Variants in GPT observed in about 807,000 individuals in gnomAD.
GPT encodes glutamic--pyruvic transaminase.
In GPT, 60 loss-of-function variants were observed where a neutral mutation model predicts 51.4. That is an observed-to-expected ratio of 1.17 (90% CI 0.95 to 1.45). GPT has a LOEUF of 1.45. Ranked by LOEUF, GPT falls within the 40% of genes most tolerant of loss-of-function variation. GPT has a pLI of 0.00. For missense variants in GPT, 853 were observed against 704.0 expected, an observed-to-expected ratio of 1.21 and a Z score of -2.40; for synonymous variants, 397 against 303.1, an observed-to-expected ratio of 1.31 and a Z score of -3.22.
upstream of GPT, chr8:144,503,935 G>A: frequency 2.9e-6 from 1 of 344,770 alleles, no homozygotes; most frequent in Non-Finnish European, 5.6e-6. Flanking sequence ...GTCCCTCAGA[G>A]CTGTCCGGAC....
chr8:144,505,163 G>C, intron 4 of GPT, 32 bp downstream of exon 4: 2 of 1,612,854 alleles, frequency 1.2e-6, no homozygotes, highest in Non-Finnish European at 1.7e-6. Context: ...AGACATTCCT[G>C]ACACTGCAGA....
Position 144,506,013 on chromosome 8 carries a change from T to G in GPT, c.838T>G (p.Tyr280Asp). 1.2e-6 allele frequency: 2 copies of G among 1,612,396 alleles called. No individual in the cohort carries two copies. The highest frequency in any genetic ancestry group is 1.7e-6 in the Non-Finnish European group (2 of 1,179,688). The change falls in exon 7 of 11, where the codon TAC (tyrosine) becomes GAC (aspartate). Residue 280 changes from tyrosine (Y) to aspartate (D), a missense_variant. Physicochemically the swap from Tyr to Asp is radical, Grantham distance 160 (BLOSUM62 -3). Coordinates refer to ENST00000394955, the MANE Select transcript of GPT (RefSeq NM_005309.3). This position sits in a 1 kb window ranked among gnomAD's most constrained non-coding sequence, Gnocchi z 7.0. ...CTTCCAGGTGTACCAGGACAACGTG[T>G]ACGCCGCGGGTTCGCAGTTCCACTC... ...LADEVYQDNV[Y>D]AAGSQFHSFK...
At chr8:144,504,092 G>A (rs1357872623), upstream of GPT, 1 of 617,736 alleles carries the variant, frequency 1.6e-6, no homozygotes, top group Non-Finnish European at 2.9e-6. Flanking sequence ...AGACGGGTGG[G>A]GCGGGGCCCA....
At position 144,505,395 on chromosome 8, in the gene GPT, G is replaced by A. The variant is rs1432227356; in HGVS notation, c.645G>A (p.Ala215=). The change falls in exon 5 of 11, where the codon GCG becomes GCA. Residue 215 remains alanine, a synonymous_variant. Transcript: ENST00000394955. ...ACCTGGACGAGGAGCGTGCCTGGGC[G>A]CTGGACGTGGCCGAGCTTCACCGTG... ...DYYLDEERAW[A]LDVAELHRAL... The A allele has an allele frequency of 1.3e-6, 2 of 1,594,826 alleles. No individual in the cohort carries two copies. The highest frequency in any genetic ancestry group is 1.7e-5 in the Admixed American group (1 of 57,572).
chr8:144,503,135 C>G (rs1198804866), upstream of GPT: 1 of 152,318 alleles, frequency 6.6e-6, no homozygotes, highest in East Asian at 1.9e-4. Context: ...GGTGAGAGGC[C>G]TGGGGGCCGG....
Position 144,506,626 on chromosome 8 carries a change from G to A in GPT, c.1257G>A (p.Gln419=). 6.4e-7 allele frequency: 1 copy of A among 1,559,678 alleles called. No individual in the cohort carries two copies. Among genetic ancestry groups the A allele is most frequent in the African/African-American group, 1.4e-5 (1 of 74,012 alleles). Residue 419 remains glutamine (Q), a synonymous_variant, in exon 9 of 11, where the codon CAG becomes CAA. Coordinates refer to ENST00000394955, the MANE Select transcript of GPT (RefSeq NM_005309.3). This position sits in a 1 kb window ranked among gnomAD's most constrained non-coding sequence, Gnocchi z 7.0. ...QGAMYSFPRV[Q]LPPRAVERAQ... is the part of the protein sequence containing the mutation. Reference sequence around the variant, plus strand: ...CCATGTACTCCTTCCCGCGCGTGCAGCTGCCCCCGCGGGCGGTGGAGCGCG... The same window carrying A: ...CCATGTACTCCTTCCCGCGCGTGCAACTGCCCCCGCGGGCGGTGGAGCGCG...
At position 144,507,114 on chromosome 8, in the gene GPT, G is replaced by GCC; in HGVS notation, c.*114_*115insCC. Reference sequence around the variant, plus strand: ...TGCCTGGCGGGGTGGGGTGGGGGGGGTGCTGGGCCCCTGCCTCTCTGCAGG... The same window carrying GCC: ...TGCCTGGCGGGGTGGGGTGGGGGGGGCCTGCTGGGCCCCTGCCTCTCTGCAGG... On this transcript the variant is annotated 3_prime_UTR_variant, in exon 11 of 11. Transcript: ENST00000394955. The GCC allele has an allele frequency of 2.0e-6, 1 of 498,332 alleles. No homozygotes were observed. Among genetic ancestry groups the GCC allele is most frequent in the Non-Finnish European group, 3.9e-6 (1 of 254,518 alleles). 30.9% of individuals were successfully genotyped at this position (498,332 alleles called of 1,614,324 possible).
At position 144,505,308 on chromosome 8, in the gene GPT, C is replaced by G. The variant is rs1200217718; in HGVS notation, c.558C>G (p.Ile186Met). The G allele has an allele frequency of 1.0e-5, 16 of 1,570,542 alleles. No homozygotes were observed. Among genetic ancestry groups the G allele is most frequent in the Non-Finnish European group, 1.2e-5 (14 of 1,158,304 alleles). ...CACGCACGGGTGTGCTCATCCCCAT[C>G]CCCCAGTACCCACTCTACTCGGCCA... ...GHTRTGVLIPIPQYPLYSATL... is the reference protein window; with the variant it reads ...GHTRTGVLIPMPQYPLYSATL... The change falls in exon 5 of 11, where the codon ATC becomes ATG. Residue 186 changes from isoleucine (I) to methionine (M), a missense_variant. Transcript: ENST00000394955.
Position 144,504,452 on chromosome 8 carries a change from C to T in GPT, c.148C>T (p.Gln50Ter). The T allele has an allele frequency of 2.5e-6, 4 of 1,609,996 alleles. No homozygotes were observed. Among genetic ancestry groups the T allele is most frequent in the Non-Finnish European group, 2.5e-6 (3 of 1,179,726 alleles). The change falls in exon 1 of 11, where the codon CAG (glutamine) becomes TAG (stop). Residue 50 changes from glutamine to a stop codon, truncating the protein, a stop_gained. Coordinates refer to ENST00000394955, the MANE Select transcript of GPT (RefSeq NM_005309.3). LOFTEE classifies it high-confidence loss of function. ...AGTGCAGCGAGCCTTGGAGCTGGAG[C>T]AGGAGCTGCGCCAGGTATGGCCCAG... The part of the protein sequence containing the change: ...PIVQRALELE[Q>*]ELRQGVKKPF...
chr8:144,504,642 C>G lies in GPT; in HGVS notation c.201C>G (p.Asn67Lys). The G allele has an allele frequency of 6.2e-7, 1 of 1,613,320 alleles. No homozygotes were observed. The highest frequency in any genetic ancestry group is 8.5e-7 in the Non-Finnish European group (1 of 1,180,016). Reference sequence around the variant, plus strand: ...CTTTCACCGAGGTCATCCGTGCCAACATCGGGGACGCACAGGCTATGGGGC... The same window carrying G: ...CTTTCACCGAGGTCATCCGTGCCAAGATCGGGGACGCACAGGCTATGGGGC... ...KKPFTEVIRA[N>K]IGDAQAMGQR... is the part of the protein sequence containing the mutation. The change falls in exon 2 of 11, where the codon AAC becomes AAG. Residue 67 changes from asparagine (N) to lysine (K), a missense_variant. Coordinates refer to ENST00000394955, the MANE Select transcript of GPT (RefSeq NM_005309.3).
chr8:144,505,192 G>A (rs1826730494), intron 4 of GPT, 54 bp from the exon 5 acceptor site: 1 of 1,612,438 alleles, frequency 6.2e-7, no homozygotes, highest in Admixed American at 1.7e-5. Context: ...CCAGGGTGGG[G>A]GACAGGTGCG....
rs1267529960 is a variant in GPT at position 144,505,394 on chromosome 8, C to A, written c.644C>A (p.Ala215Glu). The part of the protein sequence containing the change: ...DYYLDEERAW[A>E]LDVAELHRAL... ...TACCTGGACGAGGAGCGTGCCTGGGCGCTGGACGTGGCCGAGCTTCACCGT... is the reference window on the plus strand; with the variant it reads ...TACCTGGACGAGGAGCGTGCCTGGGAGCTGGACGTGGCCGAGCTTCACCGT... Residue 215 changes from alanine (A) to glutamate (E), a missense_variant, in exon 5 of 11, where the codon GCG (alanine) becomes GAG (glutamate). By Grantham distance (107) the Ala-to-Glu change is moderately radical. Transcript: ENST00000394955. 6.3e-7 allele frequency: 1 copy of A among 1,595,056 alleles called. No individual in the cohort carries two copies. Among genetic ancestry groups the A allele is most frequent in the Admixed American group, 1.7e-5 (1 of 57,554 alleles).
rs776165677 is a variant in GPT at position 144,505,038 on chromosome 8, G to A, written c.402G>A (p.Glu134=). 11 of 1,613,178 alleles carry A rather than the reference G, an allele frequency of 6.8e-6. No individual in the cohort carries two copies. The Admixed American group carries it at 1.5e-4, about 22-fold the overall frequency. ...GCTCCGGCATCCAGCTGATCCGGGAGGACGTGGCGCGGTACATTGAGAGGC... is the reference window on the plus strand; with the variant it reads ...GCTCCGGCATCCAGCTGATCCGGGAAGACGTGGCGCGGTACATTGAGAGGC... ...SVSSGIQLIR[E]DVARYIERRD... Residue 134 remains glutamate, a synonymous_variant, in exon 4 of 11, where the codon GAG becomes GAA. Coordinates refer to ENST00000394955, the MANE Select transcript of GPT (RefSeq NM_005309.3).
In GPT at chr8:144,505,215, G is replaced by A. The variant is rs745932486; in HGVS notation, c.496-31G>A. The A allele has an allele frequency of 9.3e-6, 15 of 1,611,130 alleles. No homozygotes were observed. In the East Asian group the frequency reaches 1.3e-4, roughly 14 times the overall value. ...GGGGACAGGTGCGGCCCCAGGCCTC[G>A]CCAACCCTGCCTTCCCCTTCCTTTC... On this transcript the variant is annotated intron_variant, in intron 4 of 10. Transcript: ENST00000394955.
In GPT at chr8:144,506,682, G is replaced by A. The variant is rs1380090177; in HGVS notation, c.1287+26G>A. 1.3e-6 allele frequency: 2 copies of A among 1,579,108 alleles called. No homozygotes were observed. The highest frequency in any genetic ancestry group is 2.7e-5 in the African/African-American group (2 of 74,420). ...GTCAGGCGGGGGCGGGGCCTGCGGG[G>A]TGGGCAGGGGGGGCCGGGCATCCCT... On this transcript the variant is annotated intron_variant, in intron 9 of 10. Transcript: ENST00000394955. This position sits in a 1 kb window ranked among gnomAD's most constrained non-coding sequence, Gnocchi z 7.0.
rs1432034007 is a variant in GPT, at chr8:144,506,170, G to A, written c.956+39G>A. 1.1e-5 allele frequency: 18 copies of A among 1,604,646 alleles called. No homozygotes were observed. Among genetic ancestry groups the A allele is most frequent in the Non-Finnish European group, 1.4e-5 (17 of 1,176,170 alleles). On this transcript the variant is annotated intron_variant, in intron 7 of 10. Transcript: ENST00000394955. This position sits in a 1 kb window ranked among gnomAD's most constrained non-coding sequence, Gnocchi z 7.0. ...AGGCGGGTGGGGGCTCGCGGGCCAT[G>A]GCCAGGCCCTCCTCGCCCGATGGGC...
Position 144,504,600 on chromosome 8 carries a change from C to A in GPT, c.163-4C>A. The stretch of plus-strand genomic sequence containing the variant: ...TCTCCCTGCCTGCTCCCCTCCCCTC[C>A]CAGGGTGTGAAGAAGCCTTTCACCG... On this transcript the variant is annotated splice_polypyrimidine_tract_variant and splice_region_variant and intron_variant, in intron 1 of 10. Coordinates refer to ENST00000394955, the MANE Select transcript of GPT (RefSeq NM_005309.3). 1.2e-6 allele frequency: 2 copies of A among 1,612,910 alleles called. No individual in the cohort carries two copies. The highest frequency in any genetic ancestry group is 1.1e-5 in the South Asian group (1 of 91,088).
At position 144,506,692 on chromosome 8, in the gene GPT, G is replaced by C. The variant is rs554475955; in HGVS notation, c.1287+36G>C. The C allele has an allele frequency of 3.8e-6, 6 of 1,587,420 alleles. No individual in the cohort carries two copies. The South Asian group carries it at 6.7e-5, about 18-fold the overall frequency. On this transcript the variant is annotated intron_variant, in intron 9 of 10. Coordinates refer to ENST00000394955, the MANE Select transcript of GPT (RefSeq NM_005309.3). The surrounding 1 kb of genome is among the most constrained non-coding windows in gnomAD (Gnocchi z 7.0). ...GGCGGGGCCTGCGGGGTGGGCAGGG[G>C]GGGCCGGGCATCCCTCTCTGACGGC...
chr8:144,506,901 T>C lies in GPT; in HGVS notation c.1401-9T>C. Reference sequence around the variant, plus strand: ...CCCTGGCCCTTCACTCACTGTCAACTCCTTTCAGGATGACCATTCTGCCCC... The same window carrying C: ...CCCTGGCCCTTCACTCACTGTCAACCCCTTTCAGGATGACCATTCTGCCCC... On this transcript the variant is annotated splice_polypyrimidine_tract_variant and intron_variant, in intron 10 of 10. Coordinates refer to ENST00000394955, the MANE Select transcript of GPT (RefSeq NM_005309.3). The surrounding 1 kb of genome is among the most constrained non-coding windows in gnomAD (Gnocchi z 7.0). 9 of 1,612,660 alleles carry C rather than the reference T, an allele frequency of 5.6e-6. No individual in the cohort carries two copies. The highest frequency in any genetic ancestry group is 7.6e-6 in the Non-Finnish European group (9 of 1,179,738).
Sources: gnomAD v4.1 joint callset for allele counts on GRCh38, gnomAD v4.1.1 for gene constraint, Gnocchi (gnomAD v3.1) non-coding constraint, MANE v1.5 for transcripts, NCBI Gene and HGNC (gene_info 2026-07-23, HGNC 2026-07-21) for gene names.